The following MAP3K5 variants were observed in gnomAD, a reference collection of about 807,000 sequenced individuals.
MAP3K5 encodes ASK-1.
In MAP3K5, 56 loss-of-function variants were observed where a neutral mutation model predicts 158.7. The observed-to-expected ratio is 0.35, with a 90% CI of 0.28 to 0.44. The LOEUF (loss-of-function observed/expected upper bound fraction) is 0.44, where lower values mean the gene tolerates loss of function less well. MAP3K5 is among the 20% of genes least tolerant of loss of function. The probability of loss-of-function intolerance (pLI) is 1.00; values close to 1 mark genes in which losing one functional copy is unlikely to be tolerated. For synonymous variants in MAP3K5, 579 were observed against 601.7 expected (o/e 0.96, Z 0.55); for missense variants, 1,294 against 1,674.8 (o/e 0.77, Z 3.97).
intron 7 of MAP3K5, among the ~76,000 whole-genome samples, chr6:136,688,337 G>A (rs889284364): frequency 6.6e-6 from 1 of 152,018 alleles, no homozygotes; most frequent in Admixed American, 6.6e-5. Flanking sequence ...GTTGATGGGT[G>A]CAGCAAACCA....
chr6:136,714,385 C>G (rs1781435848), intron 2 of MAP3K5, among the ~76,000 whole-genome samples: 2 of 152,052 alleles, frequency 1.3e-5, no homozygotes, highest in Non-Finnish European at 2.9e-5. Context: ...TGAATGAGTG[C>G]CAGAAAGACA....
intron 2 of MAP3K5, among the ~76,000 whole-genome samples, chr6:136,712,614 A>G (rs1206041918): frequency 6.6e-6 from 1 of 152,218 alleles, no homozygotes; most frequent in Non-Finnish European, 1.5e-5. Context: ...CTGTATTGTT[A>G]AAGTTGGAGG....
chr6:136,757,580 TTTTTTA>T lies in MAP3K5; in HGVS notation c.448+34124_448+34129del, dbSNP rs1238356315. On this transcript the variant is annotated intron_variant, in intron 1 of 29. Transcript: ENST00000359015. ...CTCATTTTATAGATTTATTTATTTATTTTTTATTTTTTTTTTTTTTTTTTGAGACGG... is the reference window on the plus strand; with the variant it reads ...CTCATTTTATAGATTTATTTATTTATTTTTTTTTTTTTTTTTTTGAGACGG... 3.3e-4 allele frequency among the ~76,000 whole-genome samples: 32 copies of T among 98,332 alleles called. No homozygotes were observed. The East Asian group carries it at 6.8e-3, about 21-fold the overall frequency. The allele number at this position is 98,332 out of a possible 152,430, so 64.5% of individuals were successfully genotyped here.
intron 1 of MAP3K5, among the ~76,000 whole-genome samples, chr6:136,767,374 G>A (rs536936964): frequency 2.6e-5 from 4 of 151,598 alleles, no homozygotes; most frequent in Non-Finnish European, 5.9e-5. Context: ...GGAGGAGGGA[G>A]GGGACTAAAG....
At chr6:136,773,422 G>A (rs992998355) in intron 1 of MAP3K5, among the ~76,000 whole-genome samples, 66 of 152,266 alleles carry the variant, frequency 4.3e-4, no homozygotes, top group African/African-American at 1.4e-3. Flanking sequence ...AAACTGCTCT[G>A]GCAAAGTTAT....
chr6:136,742,209 C>T (rs1255251053), intron 1 of MAP3K5, among the ~76,000 whole-genome samples: 3 of 152,130 alleles, frequency 2.0e-5, no homozygotes, highest in African/African-American at 7.2e-5. Flanking sequence ...GAAGAACAAA[C>T]TGACATTACC....
At chr6:136,598,890 T>A (rs1001906076) in intron 21 of MAP3K5, among the ~76,000 whole-genome samples, 1 of 152,046 alleles carries the variant, frequency 6.6e-6, no homozygotes, top group Non-Finnish European at 1.5e-5. Context: ...CAAATGGGAT[T>A]TTAGGCAAGG....
At chr6:136,724,767 C>T (rs1389378341) in intron 1 of MAP3K5, among the ~76,000 whole-genome samples, 1 of 152,038 alleles carries the variant, frequency 6.6e-6, no homozygotes, top group African/African-American at 2.4e-5. Context: ...CATTTCTATT[C>T]TTTCCTAAAT....
At chr6:136,618,651 C>T (rs1776671997) in intron 15 of MAP3K5, among the ~76,000 whole-genome samples, 1 of 152,200 alleles carries the variant, frequency 6.6e-6, no homozygotes, top group African/African-American at 2.4e-5. Context: ...TCAAAGTCTA[C>T]ACTATCTATA....
intron 7 of MAP3K5, among the ~76,000 whole-genome samples, 199 bp from the exon 8 acceptor site, chr6:136,669,594 G>A (rs555159137): frequency 9.2e-5 from 14 of 151,686 alleles, no homozygotes; most frequent in Non-Finnish European, 1.5e-4. Flanking sequence ...GCTTTCCCCC[G>A]CTTAGCTCAC....
intron 1 of MAP3K5, among the ~76,000 whole-genome samples, chr6:136,787,745 C>T (rs1784907623): frequency 6.6e-6 from 1 of 152,182 alleles, no homozygotes; most frequent in Non-Finnish European, 1.5e-5. Context: ...AATGAAGGGC[C>T]GTTCTCACAA....
In MAP3K5 at chr6:136,757,579, A is replaced by ATTTATT. The variant is rs1562679137; in HGVS notation, c.448+34130_448+34131insAATAAA. Among the ~76,000 whole-genome samples, 49 of 112,004 alleles carry ATTTATT rather than the reference A, an allele frequency of 4.4e-4. 1 individual carries two copies. The highest frequency in any genetic ancestry group is 4.8e-3 in the Middle Eastern group (1 of 210). The allele number at this position is 112,004 out of a possible 152,430, so 73.5% of individuals were successfully genotyped here. ...ACTCATTTTATAGATTTATTTATTT[A>ATTTATT]TTTTTTATTTTTTTTTTTTTTTTTT... On this transcript the variant is annotated intron_variant, in intron 1 of 29. Coordinates refer to ENST00000359015, the MANE Select transcript of MAP3K5 (RefSeq NM_005923.4).
At chr6:136,574,927 G>A (rs1244639168) in intron 25 of MAP3K5, among the ~76,000 whole-genome samples, 2 of 151,700 alleles carry the variant, frequency 1.3e-5, no homozygotes, top group African/African-American at 4.8e-5. Context: ...CTGACCTCGT[G>A]ATCCGCCCGC....
intron 1 of MAP3K5, among the ~76,000 whole-genome samples, chr6:136,739,789 C>T (rs1309657179): frequency 1.3e-5 from 2 of 152,204 alleles, no homozygotes; most frequent in African/African-American, 4.8e-5. Context: ...TTGCTTCAAA[C>T]AGTCTTAGAT....
intron 18 of MAP3K5, among the ~76,000 whole-genome samples, chr6:136,611,027 G>A (rs564381863): frequency 3.2e-4 from 45 of 142,548 alleles, no homozygotes; most frequent in Admixed American, 2.0e-3. Flanking sequence ...AGGATTGCTT[G>A]AGCCTGGGAG....
intron 1 of MAP3K5, among the ~76,000 whole-genome samples, chr6:136,789,223 T>C (rs1784968423): frequency 6.6e-6 from 1 of 152,260 alleles, no homozygotes; most frequent in South Asian, 2.1e-4. Flanking sequence ...GGCAGGAGGA[T>C]CACTAGAGCC....
chr6:136,756,838 G>A (rs1392445001), intron 1 of MAP3K5, among the ~76,000 whole-genome samples: 1 of 152,172 alleles, frequency 6.6e-6, no homozygotes, highest in East Asian at 1.9e-4. Flanking sequence ...AGGGGCTGAT[G>A]GCCCGGTGCA....
rs753786493 is a variant in MAP3K5, at chr6:136,580,322, C to T, written c.3496G>A (p.Ala1166Thr). 1.2e-6 allele frequency: 2 copies of T among 1,612,612 alleles called. No individual in the cohort carries two copies. The highest frequency in any genetic ancestry group is 1.7e-6 in the Non-Finnish European group (2 of 1,178,664). Residue 1166 changes from alanine (A) to threonine (T), a missense_variant, in exon 25 of 30, where the codon GCC (alanine) becomes ACC (threonine). Ala to Thr is a moderately conservative substitution (Grantham distance 58). Transcript: ENST00000359015. The part of the protein sequence containing the change: ...DSIIRKAVQT[A>T]ITILVPELRP... The stretch of plus-strand genomic sequence containing the variant: ...TGACCTGGAACCAGGATGGTAATGG[C>T]TGTCTGTACCGCCTTCCGAATGATA...
At chr6:136,755,837 T>C (rs1783454764) in intron 1 of MAP3K5, among the ~76,000 whole-genome samples, 1 of 151,526 alleles carries the variant, frequency 6.6e-6, no homozygotes, top group African/African-American at 2.4e-5. Flanking sequence ...GATGAACAGA[T>C]GAATAAGAAG....
Sources: allele counts gnomAD v4.1 joint callset (sites outside exome capture counted in the v4.1 genomes callset), GRCh38; gene constraint gnomAD v4.1.1; transcripts MANE v1.5; gene names NCBI Gene and HGNC (gene_info 2026-07-23, HGNC 2026-07-21).